The following ZYG11B variants were observed in gnomAD, a reference collection of about 807,000 sequenced individuals.
ZYG11B encodes the protein zyg-11 family member B, cell cycle regulator.
A neutral mutation model predicts 82.4 loss-of-function variants in ZYG11B; 36 were observed. That is an observed-to-expected ratio of 0.44 (90% confidence interval 0.33 to 0.58). The LOEUF (loss-of-function observed/expected upper bound fraction) is 0.58. Ranked by LOEUF, ZYG11B falls within the 20% of genes least tolerant of loss-of-function variation. The pLI, the probability that ZYG11B is intolerant of heterozygous loss-of-function variation, is 0.02. For synonymous variants in ZYG11B, 303 were observed against 312.8 expected (o/e 0.97, Z 0.33); for missense variants, 552 against 895.6 (o/e 0.62, Z 4.90).
rs866329995 is a variant in ZYG11B at position 52,726,560 on chromosome 1, C to T, written c.-94C>T. ...CCGAGGCCTGGGCCAAGCCCGGAGC[C>T]GCCGCTCGCCGGAGCCTCCTGGAGC... is the stretch of plus-strand genomic sequence containing the variant. On this transcript the variant is annotated 5_prime_UTR_variant, in exon 1 of 14. Transcript: ENST00000294353. The T allele has an allele frequency of 2.4e-4, 297 of 1,258,406 alleles. 1 individual carries two copies. Among genetic ancestry groups the T allele is most frequent in the Admixed American group, 8.0e-4 (19 of 23,706 alleles). 78.0% of individuals were successfully genotyped at this position (1,258,406 alleles called of 1,614,324 possible).
chr1:52,767,406 G>A (rs192507064), intron 2 of ZYG11B, among the ~76,000 whole-genome samples: 2 of 152,278 alleles, frequency 1.3e-5, no homozygotes, highest in Admixed American at 6.5e-5. Flanking sequence ...CTGGGATCAA[G>A]CGATTCCCCT....
chr1:52,810,368 A>G (rs1449847571), intron 10 of ZYG11B, among the ~76,000 whole-genome samples: 1 of 152,162 alleles, frequency 6.6e-6, no homozygotes, highest in Admixed American at 6.5e-5. Flanking sequence ...TACTCTGCTG[A>G]ATAGAGTGGG....
chr1:52,735,324 C>A (rs555408272), intron 1 of ZYG11B, among the ~76,000 whole-genome samples: 1 of 152,184 alleles, frequency 6.6e-6, no homozygotes, highest in Non-Finnish European at 1.5e-5. Flanking sequence ...CCACCGTGCC[C>A]GGCCCAAATC....
chr1:52,805,308 G>A, intron 10 of ZYG11B: 1 of 342,566 alleles, frequency 2.9e-6, no homozygotes, highest in Non-Finnish European at 5.8e-6. Flanking sequence ...CCACATGCAA[G>A]CAGTGAGGAG....
chr1:52,797,324 A>G (rs1216480213), intron 8 of ZYG11B, among the ~76,000 whole-genome samples: 6 of 79,350 alleles, frequency 7.6e-5, no homozygotes, highest in African/African-American at 1.7e-4. Flanking sequence ...CATATAATAT[A>G]TATATTATAT....
chr1:52,771,891 A>G lies in ZYG11B; in HGVS notation c.951+117A>G, dbSNP rs1226246301. ...ACATGTTCATGAAACAGGGCTGCATATAGTTGAAAGGCTTAGAGTCCTAAT... is the reference window on the plus strand; with the variant it reads ...ACATGTTCATGAAACAGGGCTGCATGTAGTTGAAAGGCTTAGAGTCCTAAT... On this transcript the variant is annotated intron_variant, in intron 3 of 13. Transcript: ENST00000294353. The surrounding 1 kb of genome is among the most constrained non-coding windows in gnomAD (Gnocchi z 5.4). 14 of 1,274,406 alleles carry G rather than the reference A, an allele frequency of 1.1e-5. No homozygotes were observed. The highest frequency in any genetic ancestry group is 1.4e-5 in the Non-Finnish European group (13 of 926,272). 78.9% of individuals were successfully genotyped at this position (1,274,406 alleles called of 1,614,324 possible).
At chr1:52,750,854 T>C (rs934349820) in intron 1 of ZYG11B, among the ~76,000 whole-genome samples, 1 of 152,186 alleles carries the variant, frequency 6.6e-6, no homozygotes, top group Non-Finnish European at 1.5e-5. Context: ...TTCATACAAA[T>C]GGGATCATAC....
intron 1 of ZYG11B, among the ~76,000 whole-genome samples, chr1:52,745,419 A>G (rs1644467715): frequency 6.6e-6 from 1 of 152,160 alleles, no homozygotes; most frequent in African/African-American, 2.4e-5. Context: ...CCTTGCTTTT[A>G]TAAGAAGCTG....
intron 1 of ZYG11B, 141 bp downstream of exon 1, chr1:52,726,824 C>A: frequency 1.3e-6 from 1 of 780,766 alleles, no homozygotes; most frequent in South Asian, 2.8e-5. Flanking sequence ...CTCGTTACCG[C>A]CCCCTCGGTG....
intron 12 of ZYG11B, among the ~76,000 whole-genome samples, chr1:52,815,016 G>C (rs1049692708): frequency 1.3e-5 from 2 of 152,064 alleles, no homozygotes; most frequent in Non-Finnish European, 2.9e-5. Flanking sequence ...AAGTTAGTGG[G>C]GCATGGTGGT....
At chr1:52,804,593 A>G (rs1380766466) in intron 10 of ZYG11B, among the ~76,000 whole-genome samples, 1 of 151,250 alleles carries the variant, frequency 6.6e-6, no homozygotes, top group Non-Finnish European at 1.5e-5. Context: ...AGCCTGGGCA[A>G]CAGGGTGAGA....
At chr1:52,782,265 G>T (rs547202754) in intron 4 of ZYG11B, among the ~76,000 whole-genome samples, 140 of 151,542 alleles carry the variant, frequency 9.2e-4, no homozygotes, top group African/African-American at 3.1e-3. Flanking sequence ...ATTATTATTG[G>T]TTTTTTTGTA....
At chr1:52,795,513 C>G (rs1644999888) in intron 6 of ZYG11B, among the ~76,000 whole-genome samples, 1 of 152,114 alleles carries the variant, frequency 6.6e-6, no homozygotes, top group African/African-American at 2.4e-5. Context: ...CTTGTTCTCT[C>G]TGCTCTGGCC....
At position 52,801,864 on chromosome 1, in the gene ZYG11B, G is replaced by C. The variant is rs1281285158; in HGVS notation, c.1531G>C (p.Asp511His). ...VKQKTNQNSV[D>H]TTLKFTLSAL... ...GCAGAAAACCAATCAAAATTCAGTGGACACTACATTGAAATTTACTTTGAG... is the reference window on the plus strand; with the variant it reads ...GCAGAAAACCAATCAAAATTCAGTGCACACTACATTGAAATTTACTTTGAG... The change falls in exon 9 of 14, where the codon GAC becomes CAC. Residue 511 changes from aspartate to histidine, a missense_variant. By Grantham distance (81) the Asp-to-His change is moderately conservative. Transcript: ENST00000294353. 2.5e-6 allele frequency: 4 copies of C among 1,609,938 alleles called. No homozygotes were observed. Among genetic ancestry groups the C allele is most frequent in the Non-Finnish European group, 3.4e-6 (4 of 1,178,718 alleles).
chr1:52,801,161 G>A (rs1488022588), intron 8 of ZYG11B, among the ~76,000 whole-genome samples: 1 of 152,024 alleles, frequency 6.6e-6, no homozygotes. Flanking sequence ...AGGGGAAAGG[G>A]GGAAAAATAA....
chr1:52,729,413 T>C (rs1014274564), intron 1 of ZYG11B, among the ~76,000 whole-genome samples: 16 of 152,188 alleles, frequency 1.1e-4, no homozygotes, highest in African/African-American at 2.7e-4. Context: ...TTAAAACATA[T>C]ACACACAGAG....
chr1:52,733,414 C>A (rs1644350840), intron 1 of ZYG11B, among the ~76,000 whole-genome samples: 1 of 152,128 alleles, frequency 6.6e-6, no homozygotes, highest in Non-Finnish European at 1.5e-5. Flanking sequence ...TAATCCACAT[C>A]TATAATCCCA....
At chr1:52,733,366 A>AT (rs1236531648) in intron 1 of ZYG11B, among the ~76,000 whole-genome samples, 3 of 152,034 alleles carry the variant, frequency 2.0e-5, no homozygotes, top group Non-Finnish European at 4.4e-5. Flanking sequence ...TATTTTTTGT[A>AT]TAGTTTTTGT....
intron 2 of ZYG11B, among the ~76,000 whole-genome samples, chr1:52,757,268 C>T (rs1481183644): frequency 6.6e-6 from 1 of 152,028 alleles, no homozygotes; most frequent in Non-Finnish European, 1.5e-5. Context: ...CAACCTTGGC[C>T]TCCCAAAGCA....
Sources: allele counts gnomAD v4.1 joint callset (sites outside exome capture counted in the v4.1 genomes callset), GRCh38; gene constraint gnomAD v4.1.1; non-coding constraint Gnocchi (gnomAD v3.1); transcripts MANE v1.5; gene names NCBI Gene and HGNC (gene_info 2026-07-23, HGNC 2026-07-21).